OSBPL6: variants seen among roughly 807,000 people sequenced by gnomAD.
OSBPL6 encodes oxysterol binding protein like 6.
A neutral mutation model predicts 125.8 loss-of-function variants in OSBPL6; 49 were observed. The observed-to-expected ratio is 0.39, with a 90% confidence interval of 0.31 to 0.49. The LOEUF (loss-of-function observed/expected upper bound fraction) is 0.49, where lower values mean the gene tolerates loss of function less well. OSBPL6 is among the 20% of genes least tolerant of loss of function. The pLI, the probability that OSBPL6 is intolerant of heterozygous loss-of-function variation, is 0.88. For synonymous variants in OSBPL6, 394 were observed against 391.8 expected, an observed-to-expected ratio of 1.01 and a Z score of -0.07; for missense variants, 986 against 1,135.4, an observed-to-expected ratio of 0.87 and a Z score of 1.89.
intron 1 of OSBPL6, among the ~76,000 whole-genome samples, chr2:178,198,617 C>CATAAATAAATAAATAA (rs35367535): frequency 0.11 from 15,320 of 137,120 alleles, 971 homozygotes; most frequent in Admixed American, 0.13. Context: ...GACTCCATCT[C>CATAAATAAATAAATAA]ATAAATAAAT....
intron 1 of OSBPL6, among the ~76,000 whole-genome samples, chr2:178,258,202 G>A (rs1356208792): frequency 6.6e-6 from 1 of 152,036 alleles, no homozygotes; most frequent in Non-Finnish European, 1.5e-5. Flanking sequence ...CCCAATTCAA[G>A]CGCTTCTCCT....
In OSBPL6 at chr2:178,216,881, T is replaced by C. The variant is rs562238001; in HGVS notation, c.-351+22207T>C. 2.4e-3 allele frequency among the ~76,000 whole-genome samples: 366 copies of C among 152,248 alleles called. 4 individuals carry two copies. Among genetic ancestry groups the C allele is most frequent in the African/African-American group, 8.7e-3 (361 of 41,538 alleles). On this transcript the variant is annotated intron_variant, in intron 1 of 24. Transcript: ENST00000190611. The stretch of plus-strand genomic sequence containing the variant: ...TTTGGCTCACTAAAACTGTCAAGGA[T>C]GAGAGGCAAGGAAAGACCGAGAAAC...
chr2:178,379,214 G>A (rs1158458003), intron 15 of OSBPL6, among the ~76,000 whole-genome samples: 8 of 147,800 alleles, frequency 5.4e-5, no homozygotes, highest in Non-Finnish European at 6.0e-5. Flanking sequence ...AAGGGAGGGA[G>A]GAAGTAAGGG....
intron 18 of OSBPL6, 22 bp downstream of exon 18, chr2:178,384,198 G>A: frequency 6.2e-7 from 1 of 1,609,216 alleles, no homozygotes; most frequent in Non-Finnish European, 8.5e-7. Flanking sequence ...TGGACTCAGT[G>A]AGGTTTCTAT....
rs1318174647 is a variant in OSBPL6 at position 178,209,572 on chromosome 2, CTTTATGT to C, written c.-351+14901_-351+14907del. ...ACCTCGGTGTCCTCCAAGTGGCTTTCTTTATGTTTGTTTTGATCTGTGTTTCATGTTT... is the reference window on the plus strand; with the variant it reads ...ACCTCGGTGTCCTCCAAGTGGCTTTCTTGTTTTGATCTGTGTTTCATGTTT... On this transcript the variant is annotated intron_variant, in intron 1 of 24. Coordinates refer to ENST00000190611, the MANE Select transcript of OSBPL6 (RefSeq NM_032523.4). 2.0e-5 allele frequency among the ~76,000 whole-genome samples: 3 copies of C among 150,858 alleles called. No individual in the cohort carries two copies. In the East Asian group the frequency reaches 5.9e-4, roughly 30 times the overall value.
rs780598126 is a variant in OSBPL6, at chr2:178,399,992, T to C, written c.*4433T>C. Reference sequence around the variant, plus strand: ...TTCTGCAATTTTTTTTTCTAGCCATTCCTTCCTCCCAAATAGAAGTGAGGG... The same window carrying C: ...TTCTGCAATTTTTTTTTCTAGCCATCCCTTCCTCCCAAATAGAAGTGAGGG... On this transcript the variant is annotated 3_prime_UTR_variant, in exon 25 of 25. Transcript: ENST00000190611. 6.6e-6 allele frequency: 1 copy of C among 152,174 alleles called. No homozygotes were observed. Among genetic ancestry groups the C allele is most frequent in the Non-Finnish European group, 1.5e-5 (1 of 68,032 alleles). The allele number at this position is 152,174 out of a possible 1,614,324, so 9.4% of individuals were successfully genotyped here.
chr2:178,253,092 G>T (rs2091755844), intron 1 of OSBPL6, among the ~76,000 whole-genome samples: 1 of 151,538 alleles, frequency 6.6e-6, no homozygotes, highest in African/African-American at 2.4e-5. Flanking sequence ...CATGATCTCG[G>T]CTCACTGCAA....
chr2:178,235,408 T>C (rs1041763738), intron 1 of OSBPL6, among the ~76,000 whole-genome samples: 2 of 131,226 alleles, frequency 1.5e-5, no homozygotes, highest in Non-Finnish European at 3.3e-5. Context: ...CTTTTTTTTT[T>C]TTTTTTTTTT....
chr2:178,253,833 T>C (rs2091783546), intron 1 of OSBPL6, among the ~76,000 whole-genome samples: 1 of 152,180 alleles, frequency 6.6e-6, no homozygotes, highest in Admixed American at 6.5e-5. Flanking sequence ...ATCCCCAATG[T>C]GGCAGTATGG....
chr2:178,338,846 G>C (rs1689938105), intron 9 of OSBPL6, 145 bp from the exon 10 acceptor site: 1 of 595,078 alleles, frequency 1.7e-6, no homozygotes, highest in Non-Finnish European at 2.9e-6. Flanking sequence ...AAAAGGGTCT[G>C]TTTTGTTTCA....
At chr2:178,326,040 C>T (rs1688669585) in intron 4 of OSBPL6, among the ~76,000 whole-genome samples, 1 of 152,096 alleles carries the variant, frequency 6.6e-6, no homozygotes, top group Non-Finnish European at 1.5e-5. Context: ...AACCCAGGTA[C>T]CATCACATCT....
rs113008679 is a variant in OSBPL6 at position 178,394,176 on chromosome 2, C to T, written c.2574-137C>T. On this transcript the variant is annotated intron_variant, in intron 23 of 24. Transcript: ENST00000190611. ...ATCACACCACTGCACTCCAGCCTGG[C>T]GACAGAGCAAGACTCCGTCCGTTAC... The T allele has an allele frequency of 4.9e-3, 5,400 of 1,100,906 alleles. 97 individuals carry two copies. In the African/African-American group the frequency reaches 0.051, roughly 10 times the overall value. 68.2% of individuals were successfully genotyped at this position (1,100,906 alleles called of 1,614,324 possible). A position where few individuals can be genotyped will look rare whatever the true frequency, so the allele number is the denominator to read the frequency against.
chr2:178,387,287 A>G, intron 20 of OSBPL6, 148 bp downstream of exon 20: 1 of 593,368 alleles, frequency 1.7e-6, no homozygotes, highest in East Asian at 3.1e-5. Context: ...ATAGACTCCC[A>G]CAAAAACAAA....
At chr2:178,369,905 C>T (rs1452400851) in intron 13 of OSBPL6, among the ~76,000 whole-genome samples, 2 of 152,136 alleles carry the variant, frequency 1.3e-5, no homozygotes, top group Non-Finnish European at 2.9e-5. Context: ...CTCACAGTGG[C>T]AACAGAAGGT....
At chr2:178,243,222 C>T (rs2091359097) in intron 1 of OSBPL6, among the ~76,000 whole-genome samples, 2 of 152,092 alleles carry the variant, frequency 1.3e-5, no homozygotes, top group African/African-American at 2.4e-5. Flanking sequence ...GGAAGATATC[C>T]AGAGGTTAGT....
chr2:178,381,556 T>C (rs1489089825), intron 15 of OSBPL6, among the ~76,000 whole-genome samples: 2 of 152,012 alleles, frequency 1.3e-5, no homozygotes, highest in Non-Finnish European at 2.9e-5. Flanking sequence ...GGTTTCACCA[T>C]GTTAGCCAGG....
intron 13 of OSBPL6, among the ~76,000 whole-genome samples, chr2:178,363,058 T>G (rs755259968): frequency 1.2e-4 from 18 of 152,298 alleles, no homozygotes; most frequent in Non-Finnish European, 2.5e-4. Context: ...AAGTAAACAT[T>G]CAAATGTCAT....
At chr2:178,233,301 G>A (rs2090910297) in intron 1 of OSBPL6, among the ~76,000 whole-genome samples, 1 of 152,172 alleles carries the variant, frequency 6.6e-6, no homozygotes, top group Admixed American at 6.5e-5. Context: ...AAATCGGGTG[G>A]CAACCAACTT....
At position 178,284,778 on chromosome 2, in the gene OSBPL6, G is replaced by C. The variant is rs142924773; in HGVS notation, c.-350-149G>C. ...AGGTTACATAAAACTGAACAAAGGA[G>C]ATAAAAAGCTGAGGCATGTACCCAT... On this transcript the variant is annotated intron_variant, in intron 1 of 24. Transcript: ENST00000190611. 5 of 353,342 alleles carry C rather than the reference G, an allele frequency of 1.4e-5. No homozygotes were observed. In the East Asian group the frequency reaches 2.1e-4, roughly 15 times the overall value. 21.9% of individuals were successfully genotyped at this position (353,342 alleles called of 1,614,324 possible).
Sources: allele counts gnomAD v4.1 joint callset (sites outside exome capture counted in the v4.1 genomes callset), GRCh38; gene constraint gnomAD v4.1.1; transcripts MANE v1.5; gene names NCBI Gene and HGNC (gene_info 2026-07-23, HGNC 2026-07-21).